The following CPB1 variants were observed in gnomAD, a reference collection of about 807,000 sequenced individuals.
CPB1 encodes the protein carboxypeptidase B.
A neutral mutation model predicts 51.4 loss-of-function variants in CPB1; 53 were observed. That is an observed-to-expected ratio of 1.03 (90% confidence interval 0.83 to 1.30). The LOEUF is 1.30. Ranked by LOEUF, CPB1 falls within the 50% of genes most tolerant of loss-of-function variation. The probability of loss-of-function intolerance (pLI) is 0.00; values close to 1 mark genes in which losing one functional copy is unlikely to be tolerated. For synonymous variants in CPB1, 189 were observed against 186.9 expected, an observed-to-expected ratio of 1.01 and a Z score of -0.09; for missense variants, 494 against 516.2, an observed-to-expected ratio of 0.96 and a Z score of 0.42.
chr3:148,856,885 T>A (rs1473072956), intron 9 of CPB1: 2 of 152,202 alleles, frequency 1.3e-5, no homozygotes, highest in East Asian at 1.9e-4. Context: ...GTCTAAAAAA[T>A]TTCCAAGCTG....
intron 2 of CPB1, among the ~76,000 whole-genome samples, chr3:148,833,980 G>A (rs939673211): frequency 2.4e-4 from 37 of 152,274 alleles, no homozygotes; most frequent in Admixed American, 2.0e-3. Flanking sequence ...GTGAAAAGAT[G>A]CCATTTTTCT....
At chr3:148,848,714 C>T (rs987049231) in intron 9 of CPB1, among the ~76,000 whole-genome samples, 1 of 152,078 alleles carries the variant, frequency 6.6e-6, no homozygotes, top group Non-Finnish European at 1.5e-5. Context: ...CTAATAATTG[C>T]TCATATCATG....
rs1261148371 is a variant in CPB1, at chr3:148,844,898, A to G, written c.778+131A>G. 1.4e-5 allele frequency: 4 copies of G among 281,140 alleles called. No homozygotes were observed. In the Admixed American group the frequency reaches 2.2e-4, roughly 16 times the overall value. The allele number at this position is 281,140 out of a possible 1,614,324, so 17.4% of individuals were successfully genotyped here. A position where few individuals can be genotyped will look rare whatever the true frequency, so the allele number is the denominator to read the frequency against. ...AAAGTTCTAACCTTCTAAAAGCACCAAAAAAAAAAAAACCAGTTTAATTCA... is the reference window on the plus strand; with the variant it reads ...AAAGTTCTAACCTTCTAAAAGCACCGAAAAAAAAAAAACCAGTTTAATTCA... On this transcript the variant is annotated intron_variant, in intron 8 of 10. Transcript: ENST00000282957.
intron 9 of CPB1, among the ~76,000 whole-genome samples, chr3:148,850,035 AC>A (rs1377820348): frequency 3.9e-5 from 6 of 152,220 alleles, no homozygotes; most frequent in African/African-American, 1.2e-4. Flanking sequence ...CTGCCTCTGG[AC>A]ATTAATAAAG....
At chr3:148,830,679 G>A (rs2108010043) in intron 2 of CPB1, among the ~76,000 whole-genome samples, 1 of 152,126 alleles carries the variant, frequency 6.6e-6, no homozygotes, top group African/African-American at 2.4e-5. Context: ...AGGTATTTCT[G>A]TTTAAATCAT....
intron 3 of CPB1, among the ~76,000 whole-genome samples, chr3:148,839,799 A>G (rs1713024143): frequency 6.6e-6 from 1 of 152,178 alleles, no homozygotes; most frequent in Admixed American, 6.5e-5. Context: ...TTAACTGTGG[A>G]TAATAGAAAT....
At chr3:148,851,714 A>G (rs926699751) in intron 9 of CPB1, 13 of 152,526 alleles carry the variant, frequency 8.5e-5, no homozygotes, top group African/African-American at 3.1e-4. Flanking sequence ...AGAGCCAACA[A>G]ATGAACAATG....
chr3:148,850,523 C>G (rs1014644888), intron 9 of CPB1, among the ~76,000 whole-genome samples: 1 of 152,060 alleles, frequency 6.6e-6, no homozygotes, highest in South Asian at 2.1e-4. Flanking sequence ...AGGGTGGTCT[C>G]GATCTCCTGA....
chr3:148,846,121 G>C (rs768651774), intron 9 of CPB1, among the ~76,000 whole-genome samples: 1 of 151,760 alleles, frequency 6.6e-6, no homozygotes, highest in South Asian at 2.1e-4. Context: ...TTTTTGATTG[G>C]GTGAGACTCA....
rs533808250 is a variant in CPB1 at position 148,857,560 on chromosome 3, A to G, written c.1066+19A>G. On this transcript the variant is annotated intron_variant, in intron 10 of 10. Transcript: ENST00000282957. Reference sequence around the variant, plus strand: ...ACAATCTGTGAGTCTTGGCTTCAGAACTGTGCAAAGAACCATGTGCCTAAA... The same window carrying G: ...ACAATCTGTGAGTCTTGGCTTCAGAGCTGTGCAAAGAACCATGTGCCTAAA... 13 of 1,596,740 alleles carry G rather than the reference A, an allele frequency of 8.1e-6. No individual in the cohort carries two copies. The highest frequency in any genetic ancestry group is 1.7e-5 in the Admixed American group (1 of 59,874).
intron 9 of CPB1, among the ~76,000 whole-genome samples, chr3:148,849,659 A>C (rs886352762): frequency 6.6e-6 from 1 of 152,258 alleles, no homozygotes; most frequent in Non-Finnish European, 1.5e-5. Flanking sequence ...CCCTCTCCAC[A>C]GATTAACAAA....
chr3:148,831,117 A>G (rs1559955752), intron 2 of CPB1, among the ~76,000 whole-genome samples: 1 of 152,196 alleles, frequency 6.6e-6, no homozygotes, highest in Non-Finnish European at 1.5e-5. Flanking sequence ...TTTGTCATCT[A>G]TAATTGAATA....
chr3:148,833,745 A>C (rs1287813714), intron 2 of CPB1, among the ~76,000 whole-genome samples: 3 of 152,086 alleles, frequency 2.0e-5, no homozygotes, highest in Non-Finnish European at 4.4e-5. Context: ...CAGATTAAAA[A>C]AAAAAAAACA....
chr3:148,832,005 T>C (rs916181985), intron 2 of CPB1, among the ~76,000 whole-genome samples: 1 of 152,156 alleles, frequency 6.6e-6, no homozygotes, highest in Non-Finnish European at 1.5e-5. Context: ...ATAGTGGGTC[T>C]GTGTCACACA....
At chr3:148,842,270 C>A (rs1713109690) in intron 6 of CPB1, among the ~76,000 whole-genome samples, 1 of 152,116 alleles carries the variant, frequency 6.6e-6, no homozygotes, top group Admixed American at 6.5e-5. Flanking sequence ...TGAACTTTCT[C>A]ACCCACATTT....
chr3:148,841,995 A>G, intron 6 of CPB1, 71 bp downstream of exon 6: 1 of 1,160,440 alleles, frequency 8.6e-7, no homozygotes, highest in Non-Finnish European at 1.3e-6. Flanking sequence ...CTTAAAACCT[A>G]GAGAGAATAA....
chr3:148,844,627 A>G, intron 7 of CPB1, 39 bp downstream of exon 7: 9 of 1,611,952 alleles, frequency 5.6e-6, no homozygotes, highest in Non-Finnish European at 7.6e-6. Context: ...ATGAAATTAA[A>G]ACCAACGCCT....
At chr3:148,845,696 AT>A (rs1713217584) in intron 9 of CPB1, 70 bp downstream of exon 9, 2 of 1,284,726 alleles carry the variant, frequency 1.6e-6, no homozygotes, top group Admixed American at 2.0e-5. Flanking sequence ...TGAAAAAAAA[AT>A]CATTATAAGA....
At chr3:148,858,505 G>T (rs943071194) in intron 10 of CPB1, among the ~76,000 whole-genome samples, 6 of 152,040 alleles carry the variant, frequency 3.9e-5, no homozygotes, top group Non-Finnish European at 2.9e-5. Context: ...CTGGGAGGCG[G>T]AGGTTGCAGT....
Sources: gnomAD v4.1 joint callset for allele counts (sites outside exome capture counted in the v4.1 genomes callset) on GRCh38, gnomAD v4.1.1 for gene constraint, MANE v1.5 for transcripts, NCBI Gene and HGNC (gene_info 2026-07-23, HGNC 2026-07-21) for gene names.